The following GABPA variants were observed in gnomAD, a reference collection of about 807,000 sequenced individuals.
GABPA encodes GA-binding protein alpha chain.
GABPA carries 4 observed loss-of-function variants against 59.4 expected under a neutral mutation model. That is an observed-to-expected ratio of 0.07 (90% CI 0.03 to 0.15). The LOEUF (loss-of-function observed/expected upper bound fraction) is 0.15. Ranked by LOEUF, GABPA falls within the 10% of genes least tolerant of loss-of-function variation. The pLI is 1.00. For synonymous variants in GABPA, 164 were observed against 183.1 expected (o/e 0.90, Z 0.84); for missense variants, 251 against 543.8 (o/e 0.46, Z 5.36).
chr21:25,747,036 C>G (rs549439591), intron 3 of GABPA, among the ~76,000 whole-genome samples: 11 of 152,290 alleles, frequency 7.2e-5, no homozygotes, highest in Non-Finnish European at 1.5e-4. Context: ...TCACATCAGT[C>G]TTTGAAATCA....
chr21:25,749,429 CT>C (rs2035451189), intron 4 of GABPA, among the ~76,000 whole-genome samples: 5 of 152,168 alleles, frequency 3.3e-5, no homozygotes, highest in African/African-American at 1.2e-4. Flanking sequence ...AACTGGACTG[CT>C]AAGGAAGCTG....
chr21:25,748,206 G>A (rs984393004), intron 3 of GABPA, among the ~76,000 whole-genome samples: 1 of 152,072 alleles, frequency 6.6e-6, no homozygotes, highest in African/African-American at 2.4e-5. Context: ...ATGCCCAGCC[G>A]TACACAGTTT....
At chr21:25,762,756 A>G (rs2035794990) in intron 7 of GABPA, among the ~76,000 whole-genome samples, 1 of 152,244 alleles carries the variant, frequency 6.6e-6, no homozygotes, top group African/African-American at 2.4e-5. Context: ...CAGCAGAGAA[A>G]ATATTCAAGT....
intron 9 of GABPA, among the ~76,000 whole-genome samples, chr21:25,767,146 G>GA (rs1030932348): frequency 5.5e-4 from 83 of 152,080 alleles, no homozygotes; most frequent in African/African-American, 1.9e-3. Flanking sequence ...TTACTATCAT[G>GA]ATACAGGCTT....
At chr21:25,740,579 C>A (rs1392932826) in intron 1 of GABPA, among the ~76,000 whole-genome samples, 4 of 152,286 alleles carry the variant, frequency 2.6e-5, no homozygotes, top group East Asian at 1.9e-4. Flanking sequence ...TTTGTGTATT[C>A]TTTAGCATTT....
At position 25,741,598 on chromosome 21, in the gene GABPA, C is replaced by G; in HGVS notation, c.-1C>G. 6.2e-7 allele frequency: 1 copy of G among 1,606,618 alleles called. No homozygotes were observed. The highest frequency in any genetic ancestry group is 8.5e-7 in the Non-Finnish European group (1 of 1,174,468). ...GACTGATCCTTTGAAATACTCCAGC[C>G]ATGACTAAAAGAGAAGCAGAGGAGC... On this transcript the variant is annotated 5_prime_UTR_variant, in exon 2 of 10. Coordinates refer to ENST00000400075, the MANE Select transcript of GABPA (RefSeq NM_002040.4).
intron 2 of GABPA, among the ~76,000 whole-genome samples, chr21:25,744,513 A>AT (rs1030462177): frequency 7.2e-5 from 11 of 152,208 alleles, no homozygotes; most frequent in Non-Finnish European, 1.2e-4. Context: ...GGAATACTTA[A>AT]TTGAATTCCA....
At chr21:25,750,112 A>G (rs1010619270) in intron 4 of GABPA, among the ~76,000 whole-genome samples, 8 of 152,242 alleles carry the variant, frequency 5.3e-5, no homozygotes, top group Admixed American at 2.0e-4. Context: ...ACAGTGACAG[A>G]GTATCAGGCA....
At chr21:25,741,908 T>C (rs2035231216) in intron 2 of GABPA, among the ~76,000 whole-genome samples, 1 of 152,204 alleles carries the variant, frequency 6.6e-6, no homozygotes, top group Admixed American at 6.5e-5. Context: ...TTGCTTTCAA[T>C]AGTTTTCTCC....
chr21:25,735,036 T>G lies in GABPA; in HGVS notation c.-569T>G. Reference sequence around the variant, plus strand: ...CAGTCTGCGACCGGACGGGTCTAGGTGAGACAGAAGCCAAACAGGAGGAGG... The same window carrying G: ...CAGTCTGCGACCGGACGGGTCTAGGGGAGACAGAAGCCAAACAGGAGGAGG... On this transcript the variant is annotated 5_prime_UTR_variant, in exon 1 of 10. Coordinates refer to ENST00000400075, the MANE Select transcript of GABPA (RefSeq NM_002040.4). The G allele has an allele frequency of 6.8e-7, 1 of 1,460,630 alleles. No homozygotes were observed. The highest frequency in any genetic ancestry group is 9.3e-7 in the Non-Finnish European group (1 of 1,072,706). The allele number at this position is 1,460,630 out of a possible 1,614,324, so 90.5% of individuals were successfully genotyped here.
intron 2 of GABPA, among the ~76,000 whole-genome samples, chr21:25,743,126 C>T (rs1456736124): frequency 1.3e-5 from 2 of 152,140 alleles, no homozygotes; most frequent in Non-Finnish European, 2.9e-5. Context: ...AGACTCTCAG[C>T]AAGATGCCTC....
chr21:25,741,204 T>A (rs1208063504), intron 1 of GABPA, among the ~76,000 whole-genome samples: 1 of 152,164 alleles, frequency 6.6e-6, no homozygotes, highest in Non-Finnish European at 1.5e-5. Flanking sequence ...CATGGCTCAC[T>A]GCAGCCTCAG....
At chr21:25,760,339 G>C (rs967775221) in intron 6 of GABPA, among the ~76,000 whole-genome samples, 2 of 152,194 alleles carry the variant, frequency 1.3e-5, no homozygotes, top group Admixed American at 6.5e-5. Context: ...CTTCTGTAGA[G>C]AGAAGTCTGC....
At chr21:25,763,192 G>T in intron 7 of GABPA, 1 of 516,136 alleles carries the variant, frequency 1.9e-6, no homozygotes, top group East Asian at 5.1e-5. Context: ...CACCACAGTT[G>T]CTGTCTCTTA....
chr21:25,738,687 TCAA>T (rs1191790290), intron 1 of GABPA, among the ~76,000 whole-genome samples: 1 of 152,208 alleles, frequency 6.6e-6, no homozygotes, highest in South Asian at 2.1e-4. Context: ...ATTCATTTAT[TCAA>T]CACATATTGG....
chr21:25,735,186 C>T lies in GABPA; in HGVS notation c.-419C>T, dbSNP rs1284470071. ...CTGTACGCATGCGCTCTTTGAGTGG[C>T]CTTTCCCCTAGTTCAAGCTCCCCTC... On this transcript the variant is annotated 5_prime_UTR_variant, in exon 1 of 10. Transcript: ENST00000400075. The T allele has an allele frequency of 3.3e-6, 2 of 602,328 alleles. No homozygotes were observed. Among genetic ancestry groups the T allele is most frequent in the Non-Finnish European group, 3.0e-6 (1 of 335,258 alleles). The allele number at this position is 602,328 out of a possible 1,614,324, so 37.3% of individuals were successfully genotyped here.
chr21:25,763,811 C>G (rs1452363222), intron 7 of GABPA, among the ~76,000 whole-genome samples: 1 of 152,100 alleles, frequency 6.6e-6, no homozygotes, highest in Non-Finnish European at 1.5e-5. Context: ...TCCTTTCAGC[C>G]TTACTCCAGA....
At chr21:25,763,767 A>C (rs1228837416) in intron 7 of GABPA, among the ~76,000 whole-genome samples, 3 of 152,280 alleles carry the variant, frequency 2.0e-5, no homozygotes, top group Non-Finnish European at 4.4e-5. Flanking sequence ...ATTTGTAAGA[A>C]CATGTGTGAG....
chr21:25,740,063 A>G (rs1000504002), intron 1 of GABPA, among the ~76,000 whole-genome samples: 2 of 152,068 alleles, frequency 1.3e-5, no homozygotes, highest in African/African-American at 4.8e-5. Context: ...TTGTACTGAT[A>G]TACGCAATAC....
Sources: allele counts gnomAD v4.1 joint callset (sites outside exome capture counted in the v4.1 genomes callset), GRCh38; gene constraint gnomAD v4.1.1; transcripts MANE v1.5; gene names NCBI Gene and HGNC (gene_info 2026-07-23, HGNC 2026-07-21).